Variants in TBL1XR1 observed in about 807,000 individuals in gnomAD.
TBL1XR1 encodes F-box-like/WD repeat-containing protein TBL1XR1.
TBL1XR1 carries 5 observed loss-of-function variants against 66.9 expected under a neutral mutation model. That is an observed-to-expected ratio of 0.07 (90% confidence interval 0.04 to 0.16). TBL1XR1 has a LOEUF of 0.16. Ranked by LOEUF, TBL1XR1 falls within the 10% of genes least tolerant of loss-of-function variation. TBL1XR1 has a pLI of 1.00. For synonymous variants in TBL1XR1, 210 were observed against 206.0 expected, an observed-to-expected ratio of 1.02 and a Z score of -0.17; for missense variants, 238 against 623.2, an observed-to-expected ratio of 0.38 and a Z score of 6.58.
At chr3:177,177,876 A>C (rs1397664714) in intron 1 of TBL1XR1, among the ~76,000 whole-genome samples, 1 of 146,324 alleles carries the variant, frequency 6.8e-6, no homozygotes, top group Admixed American at 6.8e-5. Flanking sequence ...AGGGACGTTT[A>C]AAAAAAAAAA....
chr3:177,066,660 T>C (rs1043276876), intron 2 of TBL1XR1, among the ~76,000 whole-genome samples: 3 of 152,194 alleles, frequency 2.0e-5, no homozygotes, highest in East Asian at 1.9e-4. Flanking sequence ...TAGGAAAATA[T>C]TGCAGTAACT....
chr3:177,113,742 A>G (rs907911300), intron 1 of TBL1XR1, among the ~76,000 whole-genome samples: 3 of 152,194 alleles, frequency 2.0e-5, no homozygotes, highest in African/African-American at 4.8e-5. Flanking sequence ...AGACATGCAA[A>G]TATCAACGGG....
chr3:177,152,607 T>C (rs1351381445), intron 1 of TBL1XR1, among the ~76,000 whole-genome samples: 1 of 152,178 alleles, frequency 6.6e-6, no homozygotes, highest in Admixed American at 6.5e-5. Flanking sequence ...CCCTTTTTCT[T>C]AGCTTTTTGC....
At chr3:177,060,515 C>T (rs970163955) in intron 3 of TBL1XR1, among the ~76,000 whole-genome samples, 2 of 152,040 alleles carry the variant, frequency 1.3e-5, no homozygotes, top group African/African-American at 4.8e-5. Flanking sequence ...ATAGTTAAAC[C>T]TAGTATCAAG....
intron 3 of TBL1XR1, among the ~76,000 whole-genome samples, chr3:177,060,223 C>T (rs904809716): frequency 6.6e-6 from 1 of 152,104 alleles, no homozygotes; most frequent in Non-Finnish European, 1.5e-5. Context: ...CTATTAGTTA[C>T]GTCCCTCAAG....
At chr3:177,157,914 C>T (rs1731704517) in intron 1 of TBL1XR1, among the ~76,000 whole-genome samples, 3 of 152,102 alleles carry the variant, frequency 2.0e-5, no homozygotes, top group Non-Finnish European at 2.9e-5. Context: ...CAAATGAATG[C>T]ATTTTATCAT....
intron 1 of TBL1XR1, among the ~76,000 whole-genome samples, chr3:177,169,897 T>C (rs956370785): frequency 3.3e-5 from 5 of 152,184 alleles, no homozygotes; most frequent in African/African-American, 1.2e-4. Flanking sequence ...TACTCCTTAT[T>C]GATCAGCAGT....
At chr3:177,122,624 A>C (rs774716429) in intron 1 of TBL1XR1, among the ~76,000 whole-genome samples, 1 of 152,168 alleles carries the variant, frequency 6.6e-6, no homozygotes, top group Non-Finnish European at 1.5e-5. Context: ...ATGTTATTAA[A>C]GTCGAGTGTG....
intron 1 of TBL1XR1, among the ~76,000 whole-genome samples, chr3:177,151,850 C>A (rs1015399170): frequency 6.6e-6 from 1 of 152,128 alleles, no homozygotes; most frequent in African/African-American, 2.4e-5. Flanking sequence ...ACGGTGAAAC[C>A]CTGTCTCTAC....
intron 1 of TBL1XR1, among the ~76,000 whole-genome samples, chr3:177,187,943 CTTTTTTTTT>C (rs571361204): frequency 4.0e-4 from 31 of 77,836 alleles, no homozygotes; most frequent in African/African-American, 2.0e-3. Context: ...GTACAATTTC[CTTTTTTTTT>C]TTTTTTTTTT....
chr3:177,081,397 A>T (rs1484026941), intron 2 of TBL1XR1, among the ~76,000 whole-genome samples: 1 of 152,188 alleles, frequency 6.6e-6, no homozygotes, highest in Non-Finnish European at 1.5e-5. Flanking sequence ...TGTTTTCAGC[A>T]ATTTTATCCA....
chr3:177,060,514 C>T (rs1023216240), intron 3 of TBL1XR1, among the ~76,000 whole-genome samples: 3 of 152,120 alleles, frequency 2.0e-5, no homozygotes, highest in African/African-American at 4.8e-5. Flanking sequence ...AATAGTTAAA[C>T]CTAGTATCAA....
chr3:177,180,161 C>T (rs1213472726), intron 1 of TBL1XR1, among the ~76,000 whole-genome samples: 1 of 139,182 alleles, frequency 7.2e-6, no homozygotes, highest in Non-Finnish European at 1.5e-5. Flanking sequence ...TGCCTGAATC[C>T]GGGAGGCGTG....
At chr3:177,084,941 G>A (rs533520360) in intron 2 of TBL1XR1, among the ~76,000 whole-genome samples, 6 of 152,314 alleles carry the variant, frequency 3.9e-5, no homozygotes, top group African/African-American at 4.8e-5. Context: ...TACTCCATTT[G>A]TGGAATTATA....
intron 1 of TBL1XR1, among the ~76,000 whole-genome samples, chr3:177,179,917 C>T (rs925190646): frequency 2.6e-5 from 4 of 152,098 alleles, no homozygotes; most frequent in African/African-American, 9.7e-5. Flanking sequence ...AGGGAACAAA[C>T]CAAGTAGAGA....
intron 1 of TBL1XR1, among the ~76,000 whole-genome samples, chr3:177,145,192 T>A (rs1444385131): frequency 8.7e-6 from 1 of 114,940 alleles, no homozygotes; most frequent in African/African-American, 3.3e-5. Context: ...TATAATCCTA[T>A]GTGATCTACA....
intron 2 of TBL1XR1, among the ~76,000 whole-genome samples, chr3:177,078,297 A>G (rs1304940454): frequency 6.6e-6 from 1 of 152,216 alleles, no homozygotes; most frequent in African/African-American, 2.4e-5. Context: ...GCTCCAGCAT[A>G]TAAAATATAA....
chr3:177,194,003 C>CGG (rs1278375735), intron 1 of TBL1XR1: 1 of 152,216 alleles, frequency 6.6e-6, no homozygotes, highest in Non-Finnish European at 1.5e-5. Flanking sequence ...GAGCATAGCC[C>CGG]GGAGCACCTA....
intron 2 of TBL1XR1, among the ~76,000 whole-genome samples, chr3:177,095,443 A>C (rs1344861175): frequency 6.6e-6 from 1 of 152,128 alleles, no homozygotes; most frequent in Non-Finnish European, 1.5e-5. Context: ...AGTATTTATG[A>C]AACATTTTAT....
Sources: allele counts gnomAD v4.1 joint callset (sites outside exome capture counted in the v4.1 genomes callset), GRCh38; gene constraint gnomAD v4.1.1; transcripts MANE v1.5; gene names NCBI Gene and HGNC (gene_info 2026-07-23, HGNC 2026-07-21).